Variants in NCR1 observed in about 807,000 individuals in gnomAD.
NCR1 encodes the protein NK cell-activating receptor.
In NCR1, 30 loss-of-function variants were observed where a neutral mutation model predicts 32.5. The ratio of observed to expected loss-of-function variants is 0.92; its 90% CI spans 0.69 to 1.25. The LOEUF is 1.25. Among genes scored for constraint, NCR1 ranks in the 50% most tolerant of loss-of-function variants. The pLI, the probability that NCR1 is intolerant of heterozygous loss-of-function variation, is 0.00. For synonymous variants in NCR1, 169 were observed against 143.4 expected (o/e 1.18, Z -1.28); for missense variants, 369 against 380.7 (o/e 0.97, Z 0.26).
chr19:54,938,117 A>G, the NCR1 span: 2 of 1,614,128 alleles, frequency 1.2e-6, no homozygotes, highest in East Asian at 2.2e-5. Context: ...TCACTCAGGA[A>G]GCTTTGTTTC....
Position 54,906,713 on chromosome 19 carries a change from C to A in NCR1, c.261C>A (p.Asp87Glu). The A allele has an allele frequency of 1.2e-6, 2 of 1,614,222 alleles. No homozygotes were observed. The highest frequency in any genetic ancestry group is 1.7e-6 in the Non-Finnish European group (2 of 1,180,048). Residue 87 changes from aspartate to glutamate, a missense_variant, in exon 3 of 7, where the codon GAC (aspartate) becomes GAA (glutamate). Physicochemically the swap from Asp to Glu is conservative, Grantham distance 45. Coordinates refer to ENST00000291890, the MANE Select transcript of NCR1 (RefSeq NM_004829.7). Reference sequence around the variant, plus strand: ...ACAAAGTCCAATTCTACATCCCGGACATGAACTCCCGCATGGCAGGGCAAT... The same window carrying A: ...ACAAAGTCCAATTCTACATCCCGGAAATGAACTCCCGCATGGCAGGGCAAT... ...RINKVQFYIP[D>E]MNSRMAGQYS...
At chr19:54,916,940 G>T (rs925974714), downstream of NCR1, among the ~76,000 whole-genome samples, 4 of 151,444 alleles carry the variant, frequency 2.6e-5, no homozygotes, top group Admixed American at 2.6e-4. Context: ...CTCCCCACCC[G>T]CTAGAAACTG....
downstream of NCR1, among the ~76,000 whole-genome samples, chr19:54,919,162 C>A (rs1452312992): frequency 6.6e-6 from 1 of 152,084 alleles, no homozygotes; most frequent in Admixed American, 6.6e-5. Flanking sequence ...CCCACAGGGT[C>A]GGTGGGTCTC....
intron 3 of NCR1, among the ~76,000 whole-genome samples, chr19:54,907,626 G>A (rs965332961): frequency 2.6e-5 from 4 of 151,598 alleles, no homozygotes; most frequent in South Asian, 2.1e-4. Context: ...GCAATACTTT[G>A]TGCTAGGAAG....
At chr19:54,929,463 T>A in the NCR1 span, among the ~76,000 whole-genome samples, 2 of 152,152 alleles carry the variant, frequency 1.3e-5, no homozygotes, top group Admixed American at 6.6e-5. Context: ...GCATTAGGAT[T>A]GCAGATTCTA....
chr19:54,903,414 G>A (rs116278218), upstream of NCR1, among the ~76,000 whole-genome samples: 217 of 123,036 alleles, frequency 1.8e-3, 10 homozygotes, highest in Middle Eastern at 5.0e-3. Flanking sequence ...ATGTATACAC[G>A]CATACATGTA....
the NCR1 span, among the ~76,000 whole-genome samples, chr19:54,921,446 G>A: frequency 0.011 from 1,690 of 152,254 alleles, 43 homozygotes; most frequent in African/African-American, 0.038. Context: ...CAGTGCTGAA[G>A]CCACTCAACC....
upstream of NCR1, among the ~76,000 whole-genome samples, chr19:54,904,603 G>A (rs966779344): frequency 6.6e-6 from 1 of 150,484 alleles, no homozygotes; most frequent in Non-Finnish European, 1.5e-5. Context: ...CACCATCTCG[G>A]CTCACTGCAA....
chr19:54,910,330 G>A (rs7247385), intron 5 of NCR1, among the ~76,000 whole-genome samples: 5,748 of 152,110 alleles, frequency 0.038, 345 homozygotes, highest in African/African-American at 0.13. Context: ...CCAACACTTC[G>A]GGAGGCCAAG....
chr19:54,901,067 G>A, the NCR1 span, among the ~76,000 whole-genome samples: 1 of 148,340 alleles, frequency 6.7e-6, no homozygotes, highest in East Asian at 2.0e-4. Flanking sequence ...GGCGGATCAC[G>A]AGGTCAGGAG....
chr19:54,906,482 AG>A (rs769796522), intron 2 of NCR1, 40 bp from the exon 3 acceptor site: 169 of 1,598,696 alleles, frequency 1.1e-4, no homozygotes, highest in Non-Finnish European at 5.4e-5. Context: ...GGTTGGGGGG[AG>A]GGGGCTCCGC....
intron 3 of NCR1, among the ~76,000 whole-genome samples, chr19:54,908,677 T>G (rs1602048272): frequency 7.3e-6 from 1 of 137,256 alleles, no homozygotes. Context: ...TTTGAGACAG[T>G]CTCGCTGCAG....
chr19:54,903,276 ATG>A (rs1243918700), upstream of NCR1, among the ~76,000 whole-genome samples: 1 of 150,108 alleles, frequency 6.7e-6, no homozygotes, highest in Non-Finnish European at 1.5e-5. Flanking sequence ...GTATATATAT[ATG>A]TATATACATA....
At chr19:54,918,371 C>G (rs1489555308), downstream of NCR1, among the ~76,000 whole-genome samples, 1 of 151,962 alleles carries the variant, frequency 6.6e-6, no homozygotes. Flanking sequence ...CGGGTTCAAG[C>G]GATTCTCCCA....
downstream of NCR1, among the ~76,000 whole-genome samples, chr19:54,913,527 C>A (rs1279669330): frequency 6.6e-6 from 1 of 152,010 alleles, no homozygotes; most frequent in Admixed American, 6.6e-5. Flanking sequence ...TTTTTTCTTT[C>A]CTTTCTCTGC....
At chr19:54,909,934 C>CAAAAAAA (rs11345154) in intron 4 of NCR1, 84 bp from the exon 5 acceptor site, 88 of 611,332 alleles carry the variant, frequency 1.4e-4, no homozygotes, top group East Asian at 3.0e-4. Flanking sequence ...GACTCCATCT[C>CAAAAAAA]AAAAAAAAAA....
downstream of NCR1, among the ~76,000 whole-genome samples, chr19:54,920,490 C>T (rs780498061): frequency 5.3e-5 from 8 of 152,020 alleles, no homozygotes; most frequent in East Asian, 1.9e-4. Context: ...GCTGGTCAGG[C>T]GCCGTAATCA....
the NCR1 span, among the ~76,000 whole-genome samples, chr19:54,932,393 A>G: frequency 6.6e-6 from 1 of 150,732 alleles, no homozygotes; most frequent in Admixed American, 6.7e-5. Context: ...ACACCACTGC[A>G]TTCCAGTCTG....
chr19:54,904,125 CAAAA>C (rs374694825), upstream of NCR1, among the ~76,000 whole-genome samples: 15 of 102,824 alleles, frequency 1.5e-4, no homozygotes, highest in Non-Finnish European at 1.4e-4. Flanking sequence ...GACTCTGTCT[CAAAA>C]AAAAAAAAAA....
Sources: gnomAD v4.1 joint callset for allele counts (sites outside exome capture counted in the v4.1 genomes callset) on GRCh38, gnomAD v4.1.1 for gene constraint, MANE v1.5 for transcripts, NCBI Gene and HGNC (gene_info 2026-07-23, HGNC 2026-07-21) for gene names.